The following TAF3 variants were observed in gnomAD, a reference collection of about 807,000 sequenced individuals.
TAF3 encodes the protein TATA-box binding protein associated factor 3, also known as transcription initiation factor TFIID subunit 3.
A neutral mutation model predicts 80.6 loss-of-function variants in TAF3; 7 were observed. The observed-to-expected ratio is 0.09, with a 90% CI of 0.05 to 0.16. The LOEUF (loss-of-function observed/expected upper bound fraction) is 0.16, where lower values mean the gene tolerates loss of function less well. Ranked by LOEUF, TAF3 falls within the 10% of genes least tolerant of loss-of-function variation. TAF3 has a pLI of 1.00. For missense variants in TAF3, 921 were observed against 1,140.2 expected (o/e 0.81, Z 2.77); for synonymous variants, 444 against 446.1 (o/e 1.00, Z 0.06).
chr10:7,967,356 G>C (rs1330072279), intron 3 of TAF3, among the ~76,000 whole-genome samples: 1 of 152,202 alleles, frequency 6.6e-6, no homozygotes, highest in Non-Finnish European at 1.5e-5. Flanking sequence ...TTATGAATTT[G>C]AGTGAAGCCA....
intron 2 of TAF3, among the ~76,000 whole-genome samples, chr10:7,836,805 A>G (rs1048205737): frequency 3.3e-5 from 5 of 152,240 alleles, no homozygotes; most frequent in Non-Finnish European, 2.9e-5. Context: ...AACTGTCCTT[A>G]TCCTCTAAAC....
chr10:7,913,322 T>C (rs1837674966), intron 2 of TAF3, among the ~76,000 whole-genome samples: 2 of 152,154 alleles, frequency 1.3e-5, no homozygotes, highest in Non-Finnish European at 2.9e-5. Context: ...CAGGGTTTCT[T>C]TGAAATGCAG....
chr10:7,824,653 T>C (rs932073838), intron 2 of TAF3, 93 bp downstream of exon 2: 3 of 1,438,782 alleles, frequency 2.1e-6, no homozygotes, highest in Non-Finnish European at 2.8e-6. Context: ...TTATAAATTC[T>C]GGAAACACAA....
chr10:7,977,669 A>G, intron 4 of TAF3, among the ~76,000 whole-genome samples: 1 of 152,224 alleles, frequency 6.6e-6, no homozygotes, highest in East Asian at 1.9e-4. Flanking sequence ...GGTGGATGCA[A>G]TGTTACACTT....
At position 7,915,846 on chromosome 10, in the gene TAF3, G is replaced by T. The variant is rs184392475; in HGVS notation, c.410-48074G>T. The stretch of plus-strand genomic sequence containing the variant: ...ATACAAAAATTAGCTGGATTTGGTG[G>T]TGGGCACCTGTAATCCAGCTACTTG... On this transcript the variant is annotated intron_variant, in intron 2 of 6. Transcript: ENST00000344293. Among the ~76,000 whole-genome samples the T allele has an allele frequency of 2.3e-3, 348 of 151,012 alleles. 2 individuals carry two copies. The highest frequency in any genetic ancestry group is 7.8e-3 in the African/African-American group (318 of 41,010).
chr10:7,973,178 A>G (rs1041075305), intron 3 of TAF3, among the ~76,000 whole-genome samples: 7 of 152,210 alleles, frequency 4.6e-5, no homozygotes, highest in Non-Finnish European at 8.8e-5. Context: ...TAAATAGGAC[A>G]CAGTTCACCA....
At chr10:7,872,746 C>G (rs569979783) in intron 2 of TAF3, among the ~76,000 whole-genome samples, 3 of 152,144 alleles carry the variant, frequency 2.0e-5, no homozygotes, top group Non-Finnish European at 4.4e-5. Flanking sequence ...TTCTTTTTCA[C>G]GCTGCCTTAA....
chr10:7,915,845 G>A (rs567962199), intron 2 of TAF3, among the ~76,000 whole-genome samples: 2 of 151,774 alleles, frequency 1.3e-5, no homozygotes, highest in East Asian at 1.9e-4. Context: ...TGGATTTGGT[G>A]GTGGGCACCT....
intron 1 of TAF3, among the ~76,000 whole-genome samples, chr10:7,819,258 A>G (rs1836665557): frequency 6.6e-6 from 1 of 151,946 alleles, no homozygotes; most frequent in African/African-American, 2.4e-5. Context: ...TTGCCCGCAA[A>G]CTACTACAAC....
intron 3 of TAF3, among the ~76,000 whole-genome samples, chr10:7,972,874 A>G (rs1831634411): frequency 6.6e-6 from 1 of 152,212 alleles, no homozygotes; most frequent in South Asian, 2.1e-4. Flanking sequence ...CAAAATTTAC[A>G]ACTAACCCCA....
At chr10:7,944,157 T>C (rs1418106798) in intron 2 of TAF3, among the ~76,000 whole-genome samples, 1 of 147,074 alleles carries the variant, frequency 6.8e-6, no homozygotes, top group Non-Finnish European at 1.5e-5. Flanking sequence ...AGGGAAAAGG[T>C]AGATGAAAAA....
intron 2 of TAF3, among the ~76,000 whole-genome samples, chr10:7,891,021 G>A (rs761979648): frequency 2.6e-5 from 4 of 152,232 alleles, no homozygotes; most frequent in Non-Finnish European, 5.9e-5. Flanking sequence ...ACATGGAAGC[G>A]TTGAATTGGG....
rs183062037 is a variant in TAF3, at chr10:7,842,266, C to T, written c.409+17706C>T. ...GTAGTTCACTCCAACCTCTGCCTCC[C>T]GGGCTCAAGCAGTCCTACCACCAGC... On this transcript the variant is annotated intron_variant, in intron 2 of 6. Coordinates refer to ENST00000344293, the MANE Select transcript of TAF3 (RefSeq NM_031923.4). 9.7e-4 allele frequency among the ~76,000 whole-genome samples: 146 copies of T among 150,200 alleles called. 1 individual carries two copies. The highest frequency in any genetic ancestry group is 3.3e-3 in the African/African-American group (136 of 40,944).
intron 2 of TAF3, among the ~76,000 whole-genome samples, chr10:7,933,050 A>G (rs1036046545): frequency 1.3e-5 from 2 of 151,880 alleles, no homozygotes; most frequent in African/African-American, 4.8e-5. Context: ...TTATAGTTGG[A>G]TATAATAGCC....
intron 2 of TAF3, among the ~76,000 whole-genome samples, chr10:7,933,790 A>T (rs1219746988): frequency 1.3e-5 from 2 of 152,250 alleles, no homozygotes; most frequent in Admixed American, 6.5e-5. Flanking sequence ...TATATAGACT[A>T]TGAAATTATG....
intron 4 of TAF3, among the ~76,000 whole-genome samples, chr10:7,987,704 T>C (rs1831791992): frequency 6.6e-6 from 1 of 152,226 alleles, no homozygotes; most frequent in African/African-American, 2.4e-5. Context: ...TGAAATCCTA[T>C]TGTTCTAAAA....
intron 2 of TAF3, among the ~76,000 whole-genome samples, chr10:7,917,540 T>G (rs1382983412): frequency 3.3e-5 from 5 of 152,170 alleles, no homozygotes; most frequent in African/African-American, 1.2e-4. Flanking sequence ...GGAATGGACT[T>G]GGGATTTTTT....
chr10:7,933,156 T>G (rs1244458317), intron 2 of TAF3, among the ~76,000 whole-genome samples: 1 of 152,210 alleles, frequency 6.6e-6, no homozygotes, highest in Non-Finnish European at 1.5e-5. Flanking sequence ...TCTTCAAGAT[T>G]ACCTTTATAT....
At chr10:7,924,315 G>A (rs1035433923) in intron 2 of TAF3, among the ~76,000 whole-genome samples, 1 of 152,150 alleles carries the variant, frequency 6.6e-6, no homozygotes, top group African/African-American at 2.4e-5. Flanking sequence ...AGAAAGCGGT[G>A]GTTCTCTGCT....
Sources: allele counts gnomAD v4.1 joint callset (sites outside exome capture counted in the v4.1 genomes callset), GRCh38; gene constraint gnomAD v4.1.1; transcripts MANE v1.5; gene names NCBI Gene and HGNC (gene_info 2026-07-23, HGNC 2026-07-21).